The following LRP1B variants were observed in gnomAD, a reference collection of about 807,000 sequenced individuals.
The protein encoded by LRP1B is low-density lipoprotein receptor-related protein 1B.
In LRP1B, 217 loss-of-function variants were observed where a neutral mutation model predicts 556.6. The observed-to-expected ratio is 0.39, with a 90% CI of 0.35 to 0.44. The LOEUF (loss-of-function observed/expected upper bound fraction) is 0.44, where lower values mean the gene tolerates loss of function less well. Ranked by LOEUF, LRP1B falls within the 20% of genes least tolerant of loss-of-function variation. The pLI is 1.00. For missense variants in LRP1B, 5,053 were observed against 5,620.8 expected (o/e 0.90, Z 3.23); for synonymous variants, 2,047 against 1,865.8 (o/e 1.10, Z -2.50).
chr2:140,559,632 G>T (rs1680857874), intron 43 of LRP1B, among the ~76,000 whole-genome samples: 1 of 151,978 alleles, frequency 6.6e-6, no homozygotes, highest in Non-Finnish European at 1.5e-5. Context: ...GAACATGGGA[G>T]TACACTTGGA....
intron 2 of LRP1B, among the ~76,000 whole-genome samples, chr2:141,734,208 A>AG (rs1693383614): frequency 6.6e-6 from 1 of 152,224 alleles, no homozygotes; most frequent in South Asian, 2.1e-4. Flanking sequence ...AGGAGAATAG[A>AG]GGGGGAAAAT....
intron 87 of LRP1B, among the ~76,000 whole-genome samples, chr2:140,239,768 C>T (rs1680869243): frequency 6.6e-6 from 1 of 150,746 alleles, no homozygotes; most frequent in South Asian, 2.1e-4. Context: ...ATTTAAATAC[C>T]TTGAGATTAG....
intron 1 of LRP1B, among the ~76,000 whole-genome samples, chr2:142,084,393 CTT>C (rs1705833810): frequency 1.3e-5 from 2 of 152,122 alleles, no homozygotes; most frequent in Admixed American, 1.3e-4. Context: ...ATTCTTTAGA[CTT>C]TCATTTTCTT....
intron 2 of LRP1B, among the ~76,000 whole-genome samples, chr2:141,688,765 G>A (rs1485617728): frequency 7.2e-5 from 11 of 151,784 alleles, no homozygotes; most frequent in Non-Finnish European, 7.4e-5. Context: ...TTACGTCTAT[G>A]TATCAAAAAC....
intron 41 of LRP1B, among the ~76,000 whole-genome samples, chr2:140,636,533 T>C (rs1214310452): frequency 6.6e-6 from 1 of 152,158 alleles, no homozygotes; most frequent in Non-Finnish European, 1.5e-5. Context: ...TGGTGGAAGG[T>C]AGTAAAGTTA....
intron 41 of LRP1B, among the ~76,000 whole-genome samples, chr2:140,603,434 T>C (rs1297428534): frequency 2.6e-5 from 4 of 152,108 alleles, no homozygotes; most frequent in African/African-American, 9.7e-5. Flanking sequence ...TGAACTCTAG[T>C]AGTAGTATCT....
At chr2:140,341,148 T>C (rs184481569) in intron 77 of LRP1B, among the ~76,000 whole-genome samples, 1 of 151,744 alleles carries the variant, frequency 6.6e-6, no homozygotes, top group Admixed American at 6.6e-5. Context: ...ATAAATTGTG[T>C]TCTTATATCT....
At position 141,508,111 on chromosome 2, in the gene LRP1B, A is replaced by G. The variant is rs565075014; in HGVS notation, c.206-27578T>C. 2.6e-5 allele frequency among the ~76,000 whole-genome samples: 4 copies of G among 151,666 alleles called. No individual in the cohort carries two copies. The South Asian group carries it at 8.4e-4, about 32-fold the overall frequency. ...CCCCCCAAAAAAAAAGAAAGAAAAG[A>G]AAAAAATTAAAACATAGCTCTAATT... On this transcript the variant is annotated intron_variant, in intron 2 of 90. Transcript: ENST00000389484.
At chr2:140,632,856 G>A (rs1290527964) in intron 41 of LRP1B, among the ~76,000 whole-genome samples, 2 of 152,150 alleles carry the variant, frequency 1.3e-5, no homozygotes, top group African/African-American at 2.4e-5. Context: ...GAGGTCAGGA[G>A]ATCGAGACCA....
chr2:141,609,985 T>C (rs973123601), intron 2 of LRP1B, among the ~76,000 whole-genome samples: 2 of 152,208 alleles, frequency 1.3e-5, no homozygotes, highest in African/African-American at 4.8e-5. Context: ...GTGAAATTTT[T>C]ATTTGTACAC....
chr2:141,011,358 T>C (rs1697743786), intron 14 of LRP1B, among the ~76,000 whole-genome samples: 2 of 152,016 alleles, frequency 1.3e-5, no homozygotes, highest in African/African-American at 4.8e-5. Context: ...TGCTCACAAC[T>C]GAACATCGGA....
At chr2:141,778,066 A>C (rs1695135295) in intron 2 of LRP1B, among the ~76,000 whole-genome samples, 2 of 152,292 alleles carry the variant, frequency 1.3e-5, no homozygotes, top group Middle Eastern at 3.4e-3. Context: ...AGAAGAAGTG[A>C]GATCATTTTG....
intron 3 of LRP1B, among the ~76,000 whole-genome samples, chr2:141,300,770 A>G (rs946352724): frequency 3.3e-5 from 5 of 152,306 alleles, no homozygotes; most frequent in African/African-American, 1.2e-4. Flanking sequence ...CCTCAGAATC[A>G]GAAGCCGCTA....
chr2:140,925,779 C>T (rs966929607), intron 20 of LRP1B, among the ~76,000 whole-genome samples: 4 of 152,060 alleles, frequency 2.6e-5, no homozygotes, highest in South Asian at 4.1e-4. Flanking sequence ...AATTAGGGAG[C>T]GTCTTGGGCT....
intron 22 of LRP1B, among the ~76,000 whole-genome samples, chr2:140,906,603 A>G (rs1350522165): frequency 6.6e-6 from 1 of 152,126 alleles, no homozygotes; most frequent in Non-Finnish European, 1.5e-5. Context: ...ATTTTAAGAA[A>G]TTAAATCACC....
At chr2:141,723,569 G>A (rs1046237932) in intron 2 of LRP1B, among the ~76,000 whole-genome samples, 3 of 151,710 alleles carry the variant, frequency 2.0e-5, no homozygotes, top group South Asian at 4.2e-4. Flanking sequence ...AGAAAAGGCA[G>A]GGCATTTATA....
intron 3 of LRP1B, among the ~76,000 whole-genome samples, chr2:141,463,596 T>TAATTATATA (rs1682023196): frequency 1.1e-4 from 4 of 35,002 alleles, no homozygotes; most frequent in South Asian, 4.4e-4. Context: ...ATATAATATA[T>TAATTATATA]ATTATATATT....
At chr2:140,805,624 T>C (rs915615666) in intron 32 of LRP1B, among the ~76,000 whole-genome samples, 2 of 152,182 alleles carry the variant, frequency 1.3e-5, no homozygotes, top group African/African-American at 4.8e-5. Flanking sequence ...ATTTTTATGT[T>C]CTTTTGTATT....
intron 11 of LRP1B, among the ~76,000 whole-genome samples, chr2:141,035,101 G>A (rs555124433): frequency 3.2e-4 from 48 of 151,700 alleles, no homozygotes; most frequent in East Asian, 7.8e-4. Flanking sequence ...GCAAACTATC[G>A]CAAGGACAAA....
Sources: gnomAD v4.1 joint callset for allele counts (sites outside exome capture counted in the v4.1 genomes callset) on GRCh38, gnomAD v4.1.1 for gene constraint, MANE v1.5 for transcripts, NCBI Gene and HGNC (gene_info 2026-07-23, HGNC 2026-07-21) for gene names.